Variants in TRIP10 observed in about 807,000 individuals in gnomAD.
TRIP10 encodes thyroid hormone receptor interactor 10.
Under a neutral mutation model 80.9 loss-of-function variants are expected in TRIP10, and 54 were observed. The observed-to-expected ratio is 0.67, with a 90% confidence interval of 0.54 to 0.84. TRIP10 has a LOEUF of 0.84. TRIP10 is among the 40% of genes least tolerant of loss of function. The probability of loss-of-function intolerance (pLI) is 0.00; values close to 1 mark genes in which losing one functional copy is unlikely to be tolerated. For synonymous variants in TRIP10, 321 were observed against 307.2 expected, an observed-to-expected ratio of 1.04 and a Z score of -0.47; for missense variants, 773 against 815.3, an observed-to-expected ratio of 0.95 and a Z score of 0.63.
chr19:6,747,446 G>T (rs1036146507), intron 11 of TRIP10, among the ~76,000 whole-genome samples: 3 of 152,168 alleles, frequency 2.0e-5, no homozygotes, highest in Admixed American at 6.5e-5. Flanking sequence ...CTGTGGCCAA[G>T]AATTCAATAA....
chr19:6,745,182 G>A lies in TRIP10; in HGVS notation c.984+188G>A, dbSNP rs1568252876. On this transcript the variant is annotated intron_variant, in intron 9 of 14. Transcript: ENST00000313244. This position sits in a 1 kb window ranked among gnomAD's most constrained non-coding sequence, Gnocchi z 7.2. Reference sequence around the variant, plus strand: ...CCTGGGAGTCCCCCGAGGCGAAGGCGGGGGCAGGGTGGGGAGGTGGGGAGG... The same window carrying A: ...CCTGGGAGTCCCCCGAGGCGAAGGCAGGGGCAGGGTGGGGAGGTGGGGAGG... The A allele has an allele frequency of 8.7e-6, 7 of 802,764 alleles. No homozygotes were observed. In the East Asian group the frequency reaches 1.1e-4, roughly 13 times the overall value. The allele number at this position is 802,764 out of a possible 1,614,324, so 49.7% of individuals were successfully genotyped here. A position where few individuals can be genotyped will look rare whatever the true frequency, so the allele number is the denominator to read the frequency against.
chr19:6,743,496 T>C lies in TRIP10; in HGVS notation c.411T>C (p.Ser137=). ...CTCCGGTTCTGTCCCCTACACAGAG[T>C]AAGCGTAAATTTGAGCGGGACTGCC... ...LENGFKQLEN[S]KRKFERDCRE... The change falls in exon 6 of 15, where the codon AGT becomes AGC. Residue 137 remains serine (S), a splice_region_variant and synonymous_variant. Coordinates refer to ENST00000313244, the MANE Select transcript of TRIP10 (RefSeq NM_001288962.2). The C allele has an allele frequency of 1.1e-5, 17 of 1,613,180 alleles. No individual in the cohort carries two copies. Among genetic ancestry groups the C allele is most frequent in the Non-Finnish European group, 1.4e-5 (17 of 1,179,790 alleles).
intron 3 of TRIP10, 21 bp downstream of exon 3, chr19:6,741,302 C>T: frequency 6.3e-7 from 1 of 1,598,026 alleles, no homozygotes; most frequent in Non-Finnish European, 8.5e-7. Context: ...AGAGGGGCTG[C>T]AGGGCTAGAT....
intron 1 of TRIP10, 112 bp from the exon 2 acceptor site, chr19:6,740,898 T>C: frequency 1.1e-6 from 1 of 948,486 alleles, no homozygotes; most frequent in Non-Finnish European, 1.6e-6. Flanking sequence ...AGCCACTCCT[T>C]CTAGGAGCGC....
In TRIP10 at chr19:6,746,126, T is replaced by A. The variant is rs769016662; in HGVS notation, c.1082T>A (p.Ile361Lys). The A allele has an allele frequency of 2.0e-6, 3 of 1,479,428 alleles. No homozygotes were observed. The East Asian group carries it at 8.5e-5, about 42-fold the overall frequency. The allele number at this position is 1,479,428 out of a possible 1,614,324, so 91.6% of individuals were successfully genotyped here. The change falls in exon 10 of 15, where the codon ATA becomes AAA. Residue 361 changes from isoleucine (I) to lysine (K), a missense_variant. Ile to Lys is a moderately radical substitution (Grantham distance 102, BLOSUM62 -3). Transcript: ENST00000313244. This position sits in a 1 kb window ranked among gnomAD's most constrained non-coding sequence, Gnocchi z 6.2. The part of the protein sequence containing the change: ...SPRSGRDPLA[I>K]LSEISKSVKP... Reference sequence around the variant, plus strand: ...CGCTCCGGCCGTGACCCCTTGGCCATACTGAGCGAGATCAGTAAGTCGGTC... The same window carrying A: ...CGCTCCGGCCGTGACCCCTTGGCCAAACTGAGCGAGATCAGTAAGTCGGTC...
chr19:6,746,271 GCTTCCTGCCGCTGGCTGGGCCCCTCTT>G lies in TRIP10; in HGVS notation c.1152+77_1152+103del. ...CGGCGGGTGGCGGGACCCTGGGCTCGCTTCCTGCCGCTGGCTGGGCCCCTCTTCCCTGGTTGCCCAACCCAGACCTGC... is the reference window on the plus strand; with the variant it reads ...CGGCGGGTGGCGGGACCCTGGGCTCGCCCTGGTTGCCCAACCCAGACCTGC... On this transcript the variant is annotated intron_variant, in intron 10 of 14. Transcript: ENST00000313244. This position sits in a 1 kb window ranked among gnomAD's most constrained non-coding sequence, Gnocchi z 6.2. The G allele has an allele frequency of 6.8e-7, 1 of 1,481,294 alleles. No homozygotes were observed. The highest frequency in any genetic ancestry group is 9.0e-7 in the Non-Finnish European group (1 of 1,109,602). 91.8% of individuals were successfully genotyped at this position (1,481,294 alleles called of 1,614,324 possible).
chr19:6,740,029 A>G (rs1968861266), intron 1 of TRIP10, among the ~76,000 whole-genome samples: 2 of 152,076 alleles, frequency 1.3e-5, no homozygotes, highest in Admixed American at 6.5e-5. Context: ...TGAGGCGGGC[A>G]GAAGGAATCC....
Position 6,744,713 on chromosome 19 carries a change from T to A in TRIP10, c.789+13T>A. On this transcript the variant is annotated intron_variant, in intron 8 of 14. Transcript: ENST00000313244. The surrounding 1 kb of genome is among the most constrained non-coding windows in gnomAD (Gnocchi z 4.9). ...GGATCCCAAGAACGTGGGTGCCTGG[T>A]CTGGGTCCACTGGGCTACGGGAAGG... 2 of 1,595,022 alleles carry A rather than the reference T, an allele frequency of 1.3e-6. No individual in the cohort carries two copies. Among genetic ancestry groups the A allele is most frequent in the Non-Finnish European group, 1.7e-6 (2 of 1,169,418 alleles).
chr19:6,742,843 C>A, intron 3 of TRIP10, 124 bp from the exon 4 acceptor site: 5 of 1,311,472 alleles, frequency 3.8e-6, no homozygotes, highest in Non-Finnish European at 5.2e-6. Context: ...CAGAATTTGT[C>A]ATCGCTTCAG....
In TRIP10 at chr19:6,744,023, G is replaced by C; in HGVS notation, c.642+187G>C. On this transcript the variant is annotated intron_variant, in intron 7 of 14. Coordinates refer to ENST00000313244, the MANE Select transcript of TRIP10 (RefSeq NM_001288962.2). The surrounding 1 kb of genome is among the most constrained non-coding windows in gnomAD (Gnocchi z 4.9). The stretch of plus-strand genomic sequence containing the variant: ...TTCCTGCTGGGCATGCCTTTTACTT[G>C]TTTGTTTATTTACTTCTATAGAGAG... 1.2e-6 allele frequency: 1 copy of C among 812,100 alleles called. No homozygotes were observed. Among genetic ancestry groups the C allele is most frequent in the Non-Finnish European group, 1.9e-6 (1 of 532,042 alleles). 50.3% of individuals were successfully genotyped at this position (812,100 alleles called of 1,614,324 possible).
rs1968895007 is a variant in TRIP10, at chr19:6,740,870, GC to G, written c.25-138del. ...AGTTTCCTGCCTCCCCCCGCGCCACGCCGGGGCGGCGCCGGGAAGCCACTCC... is the reference window on the plus strand; with the variant it reads ...AGTTTCCTGCCTCCCCCCGCGCCACGCGGGGCGGCGCCGGGAAGCCACTCC... On this transcript the variant is annotated intron_variant, in intron 1 of 14. Transcript: ENST00000313244. 1.9e-5 allele frequency: 13 copies of G among 681,874 alleles called. No homozygotes were observed. The South Asian group carries it at 2.5e-4, about 13-fold the overall frequency. The allele number at this position is 681,874 out of a possible 1,614,324, so 42.2% of individuals were successfully genotyped here.
At chr19:6,747,986 TA>T (rs11318244) in intron 11 of TRIP10, among the ~76,000 whole-genome samples, 88,776 of 146,662 alleles carry the variant, frequency 0.61, 28,123 homozygotes, top group African/African-American at 0.85. Flanking sequence ...TTTTAAAAAC[TA>T]AAAAAAAAAA....
chr19:6,742,870 G>A, intron 3 of TRIP10, 97 bp from the exon 4 acceptor site: 2 of 1,502,274 alleles, frequency 1.3e-6, no homozygotes, highest in Non-Finnish European at 1.8e-6. Context: ...CATTCTTGGG[G>A]CTTAACCCTT....
intron 14 of TRIP10, 46 bp downstream of exon 14, chr19:6,750,679 C>T (rs1969266571): frequency 1.2e-6 from 2 of 1,607,978 alleles, no homozygotes; most frequent in South Asian, 1.1e-5. Flanking sequence ...GAGGCAGTGT[C>T]TCTGGCTAGG....
At position 6,744,753 on chromosome 19, in the gene TRIP10, C is replaced by T. The variant is rs774898061; in HGVS notation, c.790-47C>T. 2.5e-6 allele frequency: 4 copies of T among 1,594,980 alleles called. No homozygotes were observed. In the African/African-American group the frequency reaches 4.0e-5, roughly 16 times the overall value. On this transcript the variant is annotated intron_variant, in intron 8 of 14. Coordinates refer to ENST00000313244, the MANE Select transcript of TRIP10 (RefSeq NM_001288962.2). This position sits in a 1 kb window ranked among gnomAD's most constrained non-coding sequence, Gnocchi z 4.9. ...CTACGGGAAGGGCAGAGGGAGGTAC[C>T]CATAGGCTAGGCACTCGACTGCTCA...
At chr19:6,740,895 CCTT>C (rs779734897) in intron 1 of TRIP10, 112 bp from the exon 2 acceptor site, 37 of 901,480 alleles carry the variant, frequency 4.1e-5, no homozygotes, top group African/African-American at 2.2e-4. Context: ...GGAAGCCACT[CCTT>C]CTAGGAGCGC....
chr19:6,750,806 G>A (rs1232170092), intron 14 of TRIP10, among the ~76,000 whole-genome samples, 173 bp downstream of exon 14: 2 of 152,144 alleles, frequency 1.3e-5, no homozygotes, highest in Non-Finnish European at 2.9e-5. Flanking sequence ...TACCAGCCTG[G>A]CGAACACGGT....
chr19:6,743,764 T>C lies in TRIP10; in HGVS notation c.570T>C (p.Tyr190=). 6.2e-7 allele frequency: 1 copy of C among 1,614,010 alleles called. No individual in the cohort carries two copies. Among genetic ancestry groups the C allele is most frequent in the Non-Finnish European group, 8.5e-7 (1 of 1,179,980 alleles). The change falls in exon 7 of 15, where the codon TAT becomes TAC. Residue 190 remains tyrosine, a synonymous_variant. Coordinates refer to ENST00000313244, the MANE Select transcript of TRIP10 (RefSeq NM_001288962.2). ...TGGCCGAAGAAAGCAAAAACGAATATGCGGCTCAACTGCAGCGCTTCAACC... is the reference window on the plus strand; with the variant it reads ...TGGCCGAAGAAAGCAAAAACGAATACGCGGCTCAACTGCAGCGCTTCAACC... ...SHMAEESKNE[Y]AAQLQRFNRD...
intron 11 of TRIP10, among the ~76,000 whole-genome samples, chr19:6,747,754 C>T (rs981512634): frequency 1.3e-5 from 2 of 151,880 alleles, no homozygotes; most frequent in Non-Finnish European, 2.9e-5. Context: ...GACTGCACCA[C>T]TGCACTCCAG....
Sources: allele counts gnomAD v4.1 joint callset (sites outside exome capture counted in the v4.1 genomes callset), GRCh38; gene constraint gnomAD v4.1.1; non-coding constraint Gnocchi (gnomAD v3.1); transcripts MANE v1.5; gene names NCBI Gene and HGNC (gene_info 2026-07-23, HGNC 2026-07-21).